Variants in CAMK2B observed in about 807,000 individuals in gnomAD.
The protein encoded by CAMK2B is calcium/calmodulin dependent protein kinase II beta.
Under a neutral mutation model 93.7 loss-of-function variants are expected in CAMK2B, and 27 were observed. That is an observed-to-expected ratio of 0.29 (90% CI 0.21 to 0.40). The LOEUF is 0.40. CAMK2B is among the 10% of genes least tolerant of loss of function. CAMK2B has a pLI of 1.00. For synonymous variants in CAMK2B, 374 were observed against 358.8 expected (o/e 1.04, Z -0.48); for missense variants, 568 against 895.8 (o/e 0.63, Z 4.67).
intron 4 of CAMK2B, among the ~76,000 whole-genome samples, chr7:44,257,236 C>T (rs1033447725): frequency 4.6e-5 from 7 of 152,076 alleles, no homozygotes; most frequent in Non-Finnish European, 7.4e-5. Context: ...ACTGCTGTCC[C>T]GGCCCTCTGC....
chr7:44,245,934 A>G (rs894176443), intron 6 of CAMK2B, among the ~76,000 whole-genome samples: 1 of 152,092 alleles, frequency 6.6e-6, no homozygotes, highest in African/African-American at 2.4e-5. Context: ...GCCTTGGGGA[A>G]GGTGGGGTTG....
chr7:44,296,814 T>C (rs947120413), intron 1 of CAMK2B, among the ~76,000 whole-genome samples: 2 of 151,874 alleles, frequency 1.3e-5, no homozygotes, highest in Non-Finnish European at 2.9e-5. Context: ...GAATTCTGTA[T>C]CCAGAGAAAT....
At chr7:44,256,398 C>G (rs2096834166) in intron 4 of CAMK2B, among the ~76,000 whole-genome samples, 1 of 152,002 alleles carries the variant, frequency 6.6e-6, no homozygotes, top group Non-Finnish European at 1.5e-5. Flanking sequence ...CATGCGTGCA[C>G]TCATGTTCAT....
chr7:44,277,202 C>G (rs1051853966), intron 2 of CAMK2B, among the ~76,000 whole-genome samples: 6 of 152,172 alleles, frequency 3.9e-5, no homozygotes, highest in Admixed American at 1.3e-4. Context: ...TAGATAACAA[C>G]AAGACATGTT....
intron 20 of CAMK2B, among the ~76,000 whole-genome samples, chr7:44,221,765 C>G (rs1052653470): frequency 6.6e-6 from 1 of 152,260 alleles, no homozygotes; most frequent in African/African-American, 2.4e-5. Flanking sequence ...CTGGTCCTCA[C>G]TGGCCTCCGG....
chr7:44,325,317 TG>T (rs1190750148), intron 1 of CAMK2B, 39 bp downstream of exon 1: 8 of 1,164,856 alleles, frequency 6.9e-6, no homozygotes, highest in South Asian at 1.8e-5. Context: ...CCCGGCCCTC[TG>T]GGGTCCCCGG....
intron 5 of CAMK2B, among the ~76,000 whole-genome samples, chr7:44,250,527 CTTTTTTTTTT>C (rs36056008): frequency 8.5e-6 from 1 of 117,818 alleles, no homozygotes; most frequent in Non-Finnish European, 1.8e-5. Flanking sequence ...AGTGACATTG[CTTTTTTTTTT>C]TTTTTTTTTT....
chr7:44,226,526 C>A lies in CAMK2B; in HGVS notation c.1587G>T (p.Leu529=). 13 of 1,447,514 alleles carry A rather than the reference C, an allele frequency of 9.0e-6. No homozygotes were observed. The highest frequency in any genetic ancestry group is 1.5e-5 in the South Asian group (1 of 64,630). The allele number at this position is 1,447,514 out of a possible 1,614,324, so 89.7% of individuals were successfully genotyped here. A position where few individuals can be genotyped will look rare whatever the true frequency, so the allele number is the denominator to read the frequency against. The part of the protein sequence containing the change: ...PCPSPTIPGP[L]PTPSRKQEII... ...CAAGGTGCTACTTACATGGGGTGGG[C>A]AGGGGGCCAGGGATAGTCGGAGATG... Residue 529 remains leucine (L), a synonymous_variant, in exon 20 of 24, where the codon CTG becomes CTT. Transcript: ENST00000395749.
chr7:44,234,472 A>G lies in CAMK2B; in HGVS notation c.1060-11T>C. 2 of 1,572,476 alleles carry G rather than the reference A, an allele frequency of 1.3e-6. No homozygotes were observed. Among genetic ancestry groups the G allele is most frequent in the South Asian group, 1.2e-5 (1 of 85,660 alleles). The stretch of plus-strand genomic sequence containing the variant: ...GCTATTCGTCTGGGGCTGTGGAGAG[A>G]GGGAAGAGGAACTCTTAGGTGGGAG... On this transcript the variant is annotated splice_polypyrimidine_tract_variant and intron_variant, in intron 14 of 23. Coordinates refer to ENST00000395749, the MANE Select transcript of CAMK2B (RefSeq NM_001220.5).
At chr7:44,264,524 C>T (rs1400118219) in intron 2 of CAMK2B, among the ~76,000 whole-genome samples, 1 of 152,200 alleles carries the variant, frequency 6.6e-6, no homozygotes, top group African/African-American at 2.4e-5. Context: ...TGCTTCAAGC[C>T]CAGCCGCCTG....
At chr7:44,241,654 C>T (rs755268855) in intron 11 of CAMK2B, 46 bp downstream of exon 11, 3 of 1,483,370 alleles carry the variant, frequency 2.0e-6, no homozygotes, top group East Asian at 4.5e-5. Flanking sequence ...CCCAGAGGGA[C>T]ACAGAGAAGC....
intron 1 of CAMK2B, among the ~76,000 whole-genome samples, chr7:44,299,082 T>A (rs552175726): frequency 1.3e-5 from 2 of 152,298 alleles, no homozygotes; most frequent in East Asian, 3.9e-4. Context: ...CTCAAACAGA[T>A]ACTTGTATAC....
chr7:44,227,741 G>A (rs1454324222), intron 19 of CAMK2B, among the ~76,000 whole-genome samples: 1 of 36,138 alleles, frequency 2.8e-5, no homozygotes, highest in Non-Finnish European at 5.4e-5. Flanking sequence ...GGTATATGGG[G>A]GACAGAGGAG....
chr7:44,243,969 C>T (rs2096706682), intron 6 of CAMK2B, among the ~76,000 whole-genome samples: 1 of 152,192 alleles, frequency 6.6e-6, no homozygotes, highest in South Asian at 2.1e-4. Context: ...TGCAATGGCC[C>T]TCCCTTCCCT....
intron 2 of CAMK2B, among the ~76,000 whole-genome samples, chr7:44,272,893 C>T (rs1407811561): frequency 2.0e-5 from 3 of 152,230 alleles, no homozygotes; most frequent in South Asian, 2.1e-4. Flanking sequence ...AGCTTTGAAA[C>T]GGAGGTGTGG....
At chr7:44,242,380 CCT>C (rs774579204) in intron 9 of CAMK2B, 40 bp from the exon 10 acceptor site, 54 of 1,598,090 alleles carry the variant, frequency 3.4e-5, no homozygotes, top group Non-Finnish European at 4.4e-5. Context: ...CCTGAAGCTC[CCT>C]CTCAGGCAGG....
At chr7:44,270,438 A>C (rs2096963979) in intron 2 of CAMK2B, among the ~76,000 whole-genome samples, 1 of 152,164 alleles carries the variant, frequency 6.6e-6, no homozygotes, top group Non-Finnish European at 1.5e-5. Flanking sequence ...CAGGTGGTCC[A>C]CCTGTGCGCT....
chr7:44,273,925 G>A (rs1168002356), intron 2 of CAMK2B, among the ~76,000 whole-genome samples: 1 of 145,840 alleles, frequency 6.9e-6, no homozygotes, highest in Admixed American at 6.8e-5. Context: ...ACAGTCCGGG[G>A]CAAGCACTGC....
At chr7:44,238,288 A>G (rs960404925) in intron 13 of CAMK2B, among the ~76,000 whole-genome samples, 2 of 152,194 alleles carry the variant, frequency 1.3e-5, no homozygotes, top group Admixed American at 1.3e-4. Context: ...GCAGGGCCTC[A>G]TGCACCGTCG....
Sources: allele counts gnomAD v4.1 joint callset (sites outside exome capture counted in the v4.1 genomes callset), GRCh38; gene constraint gnomAD v4.1.1; transcripts MANE v1.5; gene names NCBI Gene and HGNC (gene_info 2026-07-23, HGNC 2026-07-21).